FOCAD: variants seen among roughly 807,000 people sequenced by gnomAD.
FOCAD encodes the protein focadhesin, also known as KIAA1797.
FOCAD carries 198 observed loss-of-function variants against 225.6 expected under a neutral mutation model. The ratio of observed to expected loss-of-function variants is 0.88; its 90% CI spans 0.78 to 0.99. The LOEUF (loss-of-function observed/expected upper bound fraction) is 0.99. FOCAD is among the 50% of genes least tolerant of loss of function. The probability of loss-of-function intolerance (pLI) is 0.00; values close to 1 mark genes in which losing one functional copy is unlikely to be tolerated. For synonymous variants in FOCAD, 897 were observed against 755.0 expected (o/e 1.19, Z -3.08); for missense variants, 2,713 against 2,123.6 (o/e 1.28, Z -5.46).
Position 20,944,609 on chromosome 9 carries a change from T to A in FOCAD, c.3408-18T>A, listed in dbSNP as rs764578830. On this transcript the variant is annotated intron_variant, in intron 28 of 43. Transcript: ENST00000338382. ...GATTTCTTATGATCCTAACATCTTA[T>A]CTTTTTTGGCTTCCAAGCACGGGCT... The A allele has an allele frequency of 6.2e-7, 1 of 1,607,632 alleles. No homozygotes were observed. Among genetic ancestry groups the A allele is most frequent in the East Asian group, 2.2e-5 (1 of 44,680 alleles).
rs201929700 is a variant in FOCAD, at chr9:20,990,176, C to G, written c.5058C>G (p.Asp1686Glu). ...CAACCGCAGTGGTTGCATGGGCTGA[C>G]CACACTGCCCCTCTCCTCCTCGGCC... ...IFATAVVAWA[D>E]HTAPLLLGLS... The change falls in exon 42 of 44, where the codon GAC becomes GAG. Residue 1686 changes from aspartate (D) to glutamate (E), a missense_variant. Transcript: ENST00000338382. 4.3e-6 allele frequency: 7 copies of G among 1,614,064 alleles called. No homozygotes were observed. Among genetic ancestry groups the G allele is most frequent in the Non-Finnish European group, 5.9e-6 (7 of 1,180,016 alleles).
intron 1 of FOCAD, among the ~76,000 whole-genome samples, chr9:20,712,841 T>C (rs540281895): frequency 6.7e-5 from 10 of 148,622 alleles, no homozygotes; most frequent in African/African-American, 9.9e-5. Context: ...CAAGTGATTC[T>C]CCTATCCCAG....
chr9:20,830,875 A>G (rs916595931), intron 15 of FOCAD, among the ~76,000 whole-genome samples: 4 of 151,956 alleles, frequency 2.6e-5, no homozygotes, highest in Non-Finnish European at 4.4e-5. Context: ...GAGTCTCACT[A>G]TGTTGACCAG....
At chr9:20,752,631 C>T (rs9722429) in intron 5 of FOCAD, among the ~76,000 whole-genome samples, 126,808 of 151,622 alleles carry the variant, frequency 0.84, 53,176 homozygotes, top group Admixed American at 0.9. Context: ...AGGATTGACT[C>T]GGCGATGCGG....
intron 21 of FOCAD, among the ~76,000 whole-genome samples, chr9:20,890,664 AG>A (rs1188899580): frequency 6.6e-6 from 1 of 152,074 alleles, no homozygotes; most frequent in Non-Finnish European, 1.5e-5. Flanking sequence ...TTGTGTTATC[AG>A]GGTAATTTTG....
chr9:20,924,646 T>C (rs1017432140), intron 25 of FOCAD, among the ~76,000 whole-genome samples: 1 of 152,184 alleles, frequency 6.6e-6, no homozygotes, highest in Non-Finnish European at 1.5e-5. Context: ...TCTTTTTTTG[T>C]TGTTGTGGGT....
intron 2 of FOCAD, among the ~76,000 whole-genome samples, chr9:20,676,524 C>G (rs1414538132): frequency 6.6e-6 from 1 of 152,146 alleles, no homozygotes; most frequent in African/African-American, 2.4e-5. Context: ...ATGGTAAAGT[C>G]ATTTTAACAA....
chr9:20,667,507 C>T (rs1587181550), intron 2 of FOCAD, among the ~76,000 whole-genome samples: 1 of 152,178 alleles, frequency 6.6e-6, no homozygotes, highest in East Asian at 1.9e-4. Flanking sequence ...TTAACCTCAT[C>T]CAAAATTAAT....
chr9:20,869,753 A>C (rs1378795642), intron 18 of FOCAD, among the ~76,000 whole-genome samples: 1 of 152,158 alleles, frequency 6.6e-6, no homozygotes, highest in Non-Finnish European at 1.5e-5. Flanking sequence ...TATTTGGTAT[A>C]TACTAAGTGC....
chr9:20,701,989 C>G (rs184082082), intron 1 of FOCAD, among the ~76,000 whole-genome samples: 11 of 152,222 alleles, frequency 7.2e-5, no homozygotes, highest in Admixed American at 6.5e-4. Flanking sequence ...TAGATTCAGA[C>G]TCAGAATAAT....
chr9:20,897,087 C>T (rs1832152378), intron 21 of FOCAD: 1 of 151,862 alleles, frequency 6.6e-6, no homozygotes, highest in Admixed American at 6.6e-5. Flanking sequence ...TTATTAGGTG[C>T]ATGCACTCTA....
chr9:20,932,403 G>A (rs1203576525), intron 27 of FOCAD, among the ~76,000 whole-genome samples: 2 of 152,090 alleles, frequency 1.3e-5, no homozygotes, highest in African/African-American at 2.4e-5. Flanking sequence ...AATCTGCCTG[G>A]AGGGACAACC....
At chr9:20,782,682 T>C (rs551526123) in intron 10 of FOCAD, among the ~76,000 whole-genome samples, 3 of 152,328 alleles carry the variant, frequency 2.0e-5, no homozygotes, top group African/African-American at 4.8e-5. Context: ...GAGGATTGAA[T>C]AAGATAAAGC....
chr9:20,924,104 A>C (rs566125002), intron 25 of FOCAD, among the ~76,000 whole-genome samples: 1 of 152,346 alleles, frequency 6.6e-6, no homozygotes, highest in African/African-American at 2.4e-5. Context: ...ATAAATAAGC[A>C]GTGTTTATTG....
intron 19 of FOCAD, among the ~76,000 whole-genome samples, chr9:20,879,086 AC>A (rs1338677100): frequency 1.3e-5 from 2 of 151,784 alleles, no homozygotes; most frequent in East Asian, 3.9e-4. Context: ...TACCCTCACA[AC>A]CCCCAACCCC....
chr9:20,887,962 C>T (rs1186178035), intron 21 of FOCAD, among the ~76,000 whole-genome samples: 1 of 151,880 alleles, frequency 6.6e-6, no homozygotes, highest in Admixed American at 6.6e-5. Context: ...AGCATCTTTT[C>T]ATGTGTTTAT....
In FOCAD at chr9:20,746,631, T is replaced by C. The variant is rs184857900; in HGVS notation, c.392+6291T>C. 1.4e-3 allele frequency among the ~76,000 whole-genome samples: 218 copies of C among 152,300 alleles called. 2 individuals carry two copies. The highest frequency in any genetic ancestry group is 5.0e-3 in the African/African-American group (207 of 41,564). ...TTAATAAAAACCATTTGAGAGTAGA[T>C]TGGAAACATTCAAGAGTGTGTTTTC... On this transcript the variant is annotated intron_variant, in intron 5 of 43. Coordinates refer to ENST00000338382, the MANE Select transcript of FOCAD (RefSeq NM_001375567.1).
chr9:20,759,629 T>C (rs1211793527), intron 6 of FOCAD, among the ~76,000 whole-genome samples: 1 of 152,154 alleles, frequency 6.6e-6, no homozygotes, highest in Non-Finnish European at 1.5e-5. Context: ...ACCTAGGCAT[T>C]ACCATTCAGG....
chr9:20,880,437 G>C lies in FOCAD; in HGVS notation c.2318-1434G>C, dbSNP rs566290233. Among the ~76,000 whole-genome samples, 5 of 152,296 alleles carry C rather than the reference G, an allele frequency of 3.3e-5. 1 individual carries two copies. In the South Asian group the frequency reaches 1.0e-3, roughly 32 times the overall value. On this transcript the variant is annotated intron_variant, in intron 19 of 43. Transcript: ENST00000338382. Reference sequence around the variant, plus strand: ...GGGGAATACATCTCCTGACTTCACTGTTTTCACCCTTTGATGTCCTGCCAG... The same window carrying C: ...GGGGAATACATCTCCTGACTTCACTCTTTTCACCCTTTGATGTCCTGCCAG...
Sources: allele counts gnomAD v4.1 joint callset (sites outside exome capture counted in the v4.1 genomes callset), GRCh38; gene constraint gnomAD v4.1.1; transcripts MANE v1.5; gene names NCBI Gene and HGNC (gene_info 2026-07-23, HGNC 2026-07-21).